The following SMCR8 variants were observed in gnomAD, a reference collection of about 807,000 sequenced individuals.
SMCR8 encodes guanine nucleotide exchange protein SMCR8.
Under a neutral mutation model 56.6 loss-of-function variants are expected in SMCR8, and 30 were observed. That is an observed-to-expected ratio of 0.53 (90% confidence interval 0.40 to 0.72). SMCR8 has a LOEUF of 0.72. SMCR8 is among the 30% of genes least tolerant of loss of function. The probability of loss-of-function intolerance (pLI) is 0.00; values close to 1 mark genes in which losing one functional copy is unlikely to be tolerated. For synonymous variants in SMCR8, 538 were observed against 456.0 expected (o/e 1.18, Z -2.29); for missense variants, 1,198 against 1,157.0 (o/e 1.04, Z -0.51).
chr17:18,316,773 T>C lies in SMCR8; in HGVS notation c.984T>C (p.Thr328=), dbSNP rs754451223. Residue 328 remains threonine (T), a synonymous_variant, in exon 1 of 2, where the codon ACT becomes ACC. Coordinates refer to ENST00000406438, the MANE Select transcript of SMCR8 (RefSeq NM_144775.3). ...AGACCTTGGAGGAGCTCTGTGACACTGAATATTTCACCCAGACCCTGGCTC... is the reference window on the plus strand; with the variant it reads ...AGACCTTGGAGGAGCTCTGTGACACCGAATATTTCACCCAGACCCTGGCTC... ...KLKTLEELCD[T]EYFTQTLAQL... 2 of 1,614,224 alleles carry C rather than the reference T, an allele frequency of 1.2e-6. No individual in the cohort carries two copies. The highest frequency in any genetic ancestry group is 3.3e-5 in the Admixed American group (2 of 60,028).
intron 1 of SMCR8, among the ~76,000 whole-genome samples, chr17:18,318,938 G>T (rs1451638765): frequency 6.6e-6 from 1 of 152,218 alleles, no homozygotes; most frequent in Non-Finnish European, 1.5e-5. Context: ...GATGTTGGGT[G>T]CTGGGAGCAT....
rs1224669532 is a variant in SMCR8, at chr17:18,327,615, G to A, written c.*4545G>A. 1 of 152,252 alleles carries A rather than the reference G, an allele frequency of 6.6e-6. No individual in the cohort carries two copies. Among genetic ancestry groups the A allele is most frequent in the Non-Finnish European group, 1.5e-5 (1 of 68,042 alleles). The allele number at this position is 152,252 out of a possible 1,614,324, so 9.4% of individuals were successfully genotyped here. On this transcript the variant is annotated 3_prime_UTR_variant, in exon 2 of 2. Transcript: ENST00000406438. ...CTAAATAGCTGGAGTCACAGATTGA[G>A]ATAAATGCCACCTTCAAGGTTGCAG...
rs557723022 is a variant in SMCR8, at chr17:18,315,342, G to C, written c.-448G>C. On this transcript the variant is annotated 5_prime_UTR_variant, in exon 1 of 2. Coordinates refer to ENST00000406438, the MANE Select transcript of SMCR8 (RefSeq NM_144775.3). ...GCGGTAGCAGGATCCGGGTTGTGGC[G>C]TCCTAGGAGCCGCGACGGTTTCTGC... 6.2e-6 allele frequency: 1 copy of C among 160,690 alleles called. No individual in the cohort carries two copies. The highest frequency in any genetic ancestry group is 1.4e-5 in the Non-Finnish European group (1 of 72,952). 10.0% of individuals were successfully genotyped at this position (160,690 alleles called of 1,614,324 possible). A position where few individuals can be genotyped will look rare whatever the true frequency, so the allele number is the denominator to read the frequency against.
In SMCR8 at chr17:18,316,671, C is replaced by G; in HGVS notation, c.882C>G (p.Asp294Glu). 1 of 1,614,214 alleles carries G rather than the reference C, an allele frequency of 6.2e-7. No homozygotes were observed. Among genetic ancestry groups the G allele is most frequent in the Non-Finnish European group, 8.5e-7 (1 of 1,180,042 alleles). The change falls in exon 1 of 2, where the codon GAC becomes GAG. Residue 294 changes from aspartate (D) to glutamate (E), a missense_variant. Coordinates refer to ENST00000406438, the MANE Select transcript of SMCR8 (RefSeq NM_144775.3). ...ACCCTGATGAGTCTGCCGACACAGA[C>G]CTTTACACCTGCAGACCAGCCTACA... The part of the protein sequence containing the change: ...TSNPDESADT[D>E]LYTCRPAYTP...
At position 18,322,575 on chromosome 17, in the gene SMCR8, C is replaced by T. The variant is rs367552992; in HGVS notation, c.2361-42C>T. ...TCCCAAGCTTCTGCCTCCACTTTCC[C>T]GGCCCTTGCCCTTCCTCCTGACCTT... On this transcript the variant is annotated intron_variant, in intron 1 of 1. Coordinates refer to ENST00000406438, the MANE Select transcript of SMCR8 (RefSeq NM_144775.3). 1.4e-4 allele frequency: 225 copies of T among 1,582,036 alleles called. No homozygotes were observed. In the African/African-American group the frequency reaches 1.7e-3, roughly 12 times the overall value.
rs768508672 is a variant in SMCR8 at position 18,322,677 on chromosome 17, G to A, written c.2421G>A (p.Thr807=). The change falls in exon 2 of 2, where the codon ACG becomes ACA. Residue 807 remains threonine, a synonymous_variant. Coordinates refer to ENST00000406438, the MANE Select transcript of SMCR8 (RefSeq NM_144775.3). ...CCCTGAGCCGCTACAGCCGCTACACGAGCATCCTGGACCTTGACAACAAAA... is the reference window on the plus strand; with the variant it reads ...CCCTGAGCCGCTACAGCCGCTACACAAGCATCCTGGACCTTGACAACAAAA... ...LHALSRYSRY[T]SILDLDNKTL... is the part of the protein sequence containing the mutation. 4.3e-6 allele frequency: 7 copies of A among 1,614,176 alleles called. No homozygotes were observed. The highest frequency in any genetic ancestry group is 1.6e-4 in the Middle Eastern group (1 of 6,062).
In SMCR8 at chr17:18,315,921, C is replaced by T. The variant is rs1337787983; in HGVS notation, c.132C>T (p.Pro44=). The change falls in exon 1 of 2, where the codon CCC becomes CCT. Residue 44 remains proline (P), a synonymous_variant. Transcript: ENST00000406438. The part of the protein sequence containing the change: ...LFPFASQGAN[P]WSKLSGAKFS... ...CCTTCGCCAGTCAGGGTGCTAACCC[C>T]TGGTCAAAACTGTCCGGGGCCAAGT... The T allele has an allele frequency of 1.9e-6, 3 of 1,614,080 alleles. No individual in the cohort carries two copies. Among genetic ancestry groups the T allele is most frequent in the Non-Finnish European group, 2.5e-6 (3 of 1,180,056 alleles).
rs920871016 is a variant in SMCR8 at position 18,326,794 on chromosome 17, G to T, written c.*3724G>T. The T allele has an allele frequency of 2.0e-5, 3 of 152,314 alleles. No individual in the cohort carries two copies. The highest frequency in any genetic ancestry group is 7.2e-5 in the African/African-American group (3 of 41,466). 9.4% of individuals were successfully genotyped at this position (152,314 alleles called of 1,614,324 possible). ...CCCGCAGTGCTGAACATGCCCCACCGCCCAGGCCCAGCACTGCTTGTTGGG... is the reference window on the plus strand; with the variant it reads ...CCCGCAGTGCTGAACATGCCCCACCTCCCAGGCCCAGCACTGCTTGTTGGG... On this transcript the variant is annotated 3_prime_UTR_variant, in exon 2 of 2. Transcript: ENST00000406438.
intron 1 of SMCR8, 64 bp downstream of exon 1, chr17:18,318,213 T>G: frequency 1.3e-6 from 2 of 1,485,764 alleles, no homozygotes; most frequent in Non-Finnish European, 9.2e-7. Context: ...ATTGGTGTGG[T>G]GGAGCCAGAA....
rs1273528145 is a variant in SMCR8, at chr17:18,315,394, T to A, written c.-396T>A. On this transcript the variant is annotated 5_prime_UTR_variant, in exon 1 of 2. The change creates a new upstream start codon in the 5' untranslated region. Transcript: ENST00000406438. The stretch of plus-strand genomic sequence containing the variant: ...CTCGGGCAGTGAGGGGCAGCAGCGC[T>A]TGGCTGACCCCTGCGGCGTCCCGTA... 1.8e-5 allele frequency: 3 copies of A among 169,462 alleles called. No individual in the cohort carries two copies. Among genetic ancestry groups the A allele is most frequent in the African/African-American group, 7.2e-5 (3 of 41,774 alleles). The allele number at this position is 169,462 out of a possible 1,614,324, so 10.5% of individuals were successfully genotyped here. A position where few individuals can be genotyped will look rare whatever the true frequency, so the allele number is the denominator to read the frequency against.
Position 18,315,507 on chromosome 17 carries a change from G to C in SMCR8, c.-283G>C. On this transcript the variant is annotated 5_prime_UTR_variant, in exon 1 of 2. Coordinates refer to ENST00000406438, the MANE Select transcript of SMCR8 (RefSeq NM_144775.3). ...CAGGTGATTTCGCAGCAGGTTTCTT[G>C]TGCTGGCCGCGCTCGCCGGACGAAG... is the stretch of plus-strand genomic sequence containing the variant. 2.6e-6 allele frequency: 1 copy of C among 391,024 alleles called. No homozygotes were observed. The highest frequency in any genetic ancestry group is 4.6e-6 in the Non-Finnish European group (1 of 216,866). 24.2% of individuals were successfully genotyped at this position (391,024 alleles called of 1,614,324 possible).
chr17:18,322,738 C>A lies in SMCR8; in HGVS notation c.2482C>A (p.Pro828Thr). ...CCCCCTTTACAGAGGCACCCTGGTG[C>A]CCCGCCTGGCAGACCACCGCACACA... ...RCPLYRGTLVPRLADHRTQIK... is the reference protein window; with the variant it reads ...RCPLYRGTLVTRLADHRTQIK... Residue 828 changes from proline (P) to threonine (T), a missense_variant, in exon 2 of 2, where the codon CCC becomes ACC. Coordinates refer to ENST00000406438, the MANE Select transcript of SMCR8 (RefSeq NM_144775.3). 6.2e-7 allele frequency: 1 copy of A among 1,614,160 alleles called. No individual in the cohort carries two copies. The highest frequency in any genetic ancestry group is 2.2e-5 in the East Asian group (1 of 44,876).
rs1172854778 is a variant in SMCR8 at position 18,316,603 on chromosome 17, G to C, written c.814G>C (p.Glu272Gln). 9 of 1,614,148 alleles carry C rather than the reference G, an allele frequency of 5.6e-6. No individual in the cohort carries two copies. Among genetic ancestry groups the C allele is most frequent in the Non-Finnish European group, 7.6e-6 (9 of 1,180,040 alleles). The change falls in exon 1 of 2, where the codon GAG becomes CAG. Residue 272 changes from glutamate to glutamine, a missense_variant. Physicochemically the swap from Glu to Gln is conservative, Grantham distance 29. Coordinates refer to ENST00000406438, the MANE Select transcript of SMCR8 (RefSeq NM_144775.3). Reference sequence around the variant, plus strand: ...GCATGATTTGTGTCCTGGTGAGATGGAGCACATCCAGGATCAGGCCAGCCA... The same window carrying C: ...GCATGATTTGTGTCCTGGTGAGATGCAGCACATCCAGGATCAGGCCAGCCA... Reference protein sequence around the residue: ...KGHDLCPGEMEHIQDQASQAS... With the variant: ...KGHDLCPGEMQHIQDQASQAS...
chr17:18,317,749 C>A lies in SMCR8; in HGVS notation c.1960C>A (p.Pro654Thr). The A allele has an allele frequency of 6.2e-7, 1 of 1,614,132 alleles. No homozygotes were observed. The highest frequency in any genetic ancestry group is 2.2e-5 in the East Asian group (1 of 44,886). ...AGGGTTTCCCGCTTATGAGCTGGAC[C>A]CGAGCCACCTGCTGGCTAGCCGGGA... ...CEGFPAYELD[P>T]SHLLASRDIS... is the part of the protein sequence containing the mutation. The change falls in exon 1 of 2, where the codon CCG becomes ACG. Residue 654 changes from proline to threonine, a missense_variant. Coordinates refer to ENST00000406438, the MANE Select transcript of SMCR8 (RefSeq NM_144775.3).
Position 18,316,550 on chromosome 17 carries a change from G to A in SMCR8, c.761G>A (p.Arg254His), listed in dbSNP as rs199838664. Residue 254 changes from arginine (R) to histidine (H), a missense_variant, in exon 1 of 2, where the codon CGC becomes CAC. Transcript: ENST00000406438. Reference sequence around the variant, plus strand: ...CATCAAGACCTGCTGAAGCAGATCCGCTCATACCCTCATCGGAAGTTGAAG... The same window carrying A: ...CATCAAGACCTGCTGAAGCAGATCCACTCATACCCTCATCGGAAGTTGAAG... ...IEHQDLLKQI[R>H]SYPHRKLKGH... 2 of 1,614,160 alleles carry A rather than the reference G, an allele frequency of 1.2e-6. No homozygotes were observed. Among genetic ancestry groups the A allele is most frequent in the Admixed American group, 1.7e-5 (1 of 60,028 alleles).
Position 18,326,062 on chromosome 17 carries a change from CAAAAAA to C in SMCR8, c.*2999_*3004del. 1 of 143,648 alleles carries C rather than the reference CAAAAAA, an allele frequency of 7.0e-6. No homozygotes were observed. The highest frequency in any genetic ancestry group is 2.2e-4 in the South Asian group (1 of 4,570). The allele number at this position is 143,648 out of a possible 1,614,324, so 8.9% of individuals were successfully genotyped here. On this transcript the variant is annotated 3_prime_UTR_variant, in exon 2 of 2. Transcript: ENST00000406438. Reference sequence around the variant, plus strand: ...TGGGCAACAAGAGCGAAAACTGTCTCAAAAAAAAAAAATTTTTCATTTGAGGTATTC... The same window carrying C: ...TGGGCAACAAGAGCGAAAACTGTCTCAAAAAATTTTTCATTTGAGGTATTC...
rs757358379 is a variant in SMCR8, at chr17:18,316,071, C to T, written c.282C>T (p.Ile94=). 2 of 1,614,202 alleles carry T rather than the reference C, an allele frequency of 1.2e-6. No homozygotes were observed. Among genetic ancestry groups the T allele is most frequent in the South Asian group, 1.1e-5 (1 of 91,088 alleles). Residue 94 remains isoleucine, a synonymous_variant, in exon 1 of 2, where the codon ATC becomes ATT. Coordinates refer to ENST00000406438, the MANE Select transcript of SMCR8 (RefSeq NM_144775.3). ...TFDLNYFSLR[I]MSVDYQASFV... ...ATCTCAATTACTTCTCCCTGCGTAT[C>T]ATGTCTGTGGATTACCAGGCTTCCT...
At position 18,316,909 on chromosome 17, in the gene SMCR8, G is replaced by T; in HGVS notation, c.1120G>T (p.Asp374Tyr). Residue 374 changes from aspartate (D) to tyrosine (Y), a missense_variant, in exon 1 of 2, where the codon GAC (aspartate) becomes TAC (tyrosine). Transcript: ENST00000406438. Reference sequence around the variant, plus strand: ...GCATATAACAAACTTTCTCTTTGAAGACTTTGTGGAGGTCGATGACAGGAT... The same window carrying T: ...GCATATAACAAACTTTCTCTTTGAATACTTTGTGGAGGTCGATGACAGGAT... ...QQHITNFLFE[D>Y]FVEVDDRMVE... The T allele has an allele frequency of 1.2e-6, 2 of 1,614,200 alleles. No homozygotes were observed. The highest frequency in any genetic ancestry group is 1.1e-5 in the South Asian group (1 of 91,080).
Position 18,315,362 on chromosome 17 carries a change from T to G in SMCR8, c.-428T>G, listed in dbSNP as rs955944007. ...GTGGCGTCCTAGGAGCCGCGACGGT[T>G]TCTGCCCTCGGGCAGTGAGGGGCAG... On this transcript the variant is annotated 5_prime_UTR_variant, in exon 1 of 2. Coordinates refer to ENST00000406438, the MANE Select transcript of SMCR8 (RefSeq NM_144775.3). The G allele has an allele frequency of 8.0e-5, 13 of 162,236 alleles. No homozygotes were observed. Among genetic ancestry groups the G allele is most frequent in the Non-Finnish European group, 1.6e-4 (12 of 73,912 alleles). 10.0% of individuals were successfully genotyped at this position (162,236 alleles called of 1,614,324 possible).
Sources: gnomAD v4.1 joint callset for allele counts (sites outside exome capture counted in the v4.1 genomes callset) on GRCh38, gnomAD v4.1.1 for gene constraint, MANE v1.5 for transcripts, NCBI Gene and HGNC (gene_info 2026-07-23, HGNC 2026-07-21) for gene names.